Variants in PEAK1 observed in about 807,000 individuals in gnomAD.
PEAK1 encodes pseudopodium enriched atypical kinase 1.
A neutral mutation model predicts 124.7 loss-of-function variants in PEAK1; 54 were observed. The ratio of observed to expected loss-of-function variants is 0.43; its 90% confidence interval spans 0.35 to 0.54. The LOEUF (loss-of-function observed/expected upper bound fraction) is 0.54, where lower values mean the gene tolerates loss of function less well. Among genes scored for constraint, PEAK1 ranks in the 20% least tolerant of loss-of-function variants. The probability of loss-of-function intolerance (pLI) is 0.01; values close to 1 mark genes in which losing one functional copy is unlikely to be tolerated. For synonymous variants in PEAK1, 719 were observed against 760.0 expected (o/e 0.95, Z 0.89); for missense variants, 2,046 against 2,134.5 (o/e 0.96, Z 0.82).
At chr15:77,369,026 T>G (rs868729500) in intron 1 of PEAK1, among the ~76,000 whole-genome samples, 1 of 152,328 alleles carries the variant, frequency 6.6e-6, no homozygotes, top group Non-Finnish European at 1.5e-5. Flanking sequence ...ACTTACATGT[T>G]GTATTCAAAA....
In PEAK1 at chr15:77,214,343, G is replaced by A. The variant is rs141679889; in HGVS notation, c.-114-32303C>T. ...TAAAGAAAAGAGGTTTAGGCTGGGC[G>A]CGGTGGCTCACGTCTGTAATCCCAG... On this transcript the variant is annotated intron_variant, in intron 6 of 9. Transcript: ENST00000682557. Among the ~76,000 whole-genome samples the A allele has an allele frequency of 4.1e-3, 626 of 151,998 alleles. 1 individual carries two copies. Among genetic ancestry groups the A allele is most frequent in the African/African-American group, 0.013 (530 of 41,446 alleles).
chr15:77,341,505 A>G (rs560929013), intron 2 of PEAK1, among the ~76,000 whole-genome samples: 84 of 143,026 alleles, frequency 5.9e-4, no homozygotes, highest in Non-Finnish European at 1.0e-3. Context: ...ATCTCAAAAG[A>G]AAAAAAAAAA....
At chr15:77,363,195 C>T (rs1049662579) in intron 2 of PEAK1, among the ~76,000 whole-genome samples, 5 of 152,164 alleles carry the variant, frequency 3.3e-5, no homozygotes, top group African/African-American at 1.2e-4. Context: ...CAGTCTTTAC[C>T]TGGCAGGCTT....
chr15:77,318,855 C>T, intron 2 of PEAK1, among the ~76,000 whole-genome samples: 1 of 152,044 alleles, frequency 6.6e-6, no homozygotes, highest in Middle Eastern at 3.2e-3. Flanking sequence ...TATAAACCTC[C>T]TAATTCTGAA....
intron 6 of PEAK1, among the ~76,000 whole-genome samples, chr15:77,227,855 G>A (rs922693722): frequency 2.0e-5 from 3 of 151,762 alleles, no homozygotes; most frequent in Non-Finnish European, 4.4e-5. Flanking sequence ...AAATTAGCCT[G>A]GTATGGTGGT....
intron 1 of PEAK1, chr15:77,404,561 G>A: frequency 4.0e-6 from 3 of 751,834 alleles, no homozygotes; most frequent in Non-Finnish European, 4.9e-6. Flanking sequence ...TTTTTTAAAT[G>A]TGGCTACTAG....
chr15:77,382,121 C>T (rs1167187273), intron 1 of PEAK1, among the ~76,000 whole-genome samples: 1 of 152,122 alleles, frequency 6.6e-6, no homozygotes, highest in Non-Finnish European at 1.5e-5. Flanking sequence ...CCTCCCTCCT[C>T]TCTATCTATC....
At position 77,180,761 on chromosome 15, in the gene PEAK1, C is replaced by A. The variant is rs1394615971; in HGVS notation, c.1166G>T (p.Ser389Ile). The change falls in exon 7 of 10, where the codon AGT becomes ATT. Residue 389 changes from serine (S) to isoleucine (I), a missense_variant. Physicochemically the swap from Ser to Ile is moderately radical, Grantham distance 142. Coordinates refer to ENST00000682557, the MANE Select transcript of PEAK1 (RefSeq NM_001385026.1). ...DMKEIEPNYE[S>I]PSSNNQDKDS... Reference sequence around the variant, plus strand: ...TTTATCCTGATTATTACTAGAGGGACTTTCATAATTGGGCTCAATTTCCTT... The same window carrying A: ...TTTATCCTGATTATTACTAGAGGGAATTTCATAATTGGGCTCAATTTCCTT... 6.2e-7 allele frequency: 1 copy of A among 1,614,090 alleles called. No individual in the cohort carries two copies. Among genetic ancestry groups the A allele is most frequent in the Non-Finnish European group, 8.5e-7 (1 of 1,180,002 alleles).
At chr15:77,418,698 A>AAC (rs1213342299) in intron 1 of PEAK1, 1 of 985,448 alleles carries the variant, frequency 1.0e-6, no homozygotes, top group East Asian at 1.1e-4. Context: ...AGCCATCATG[A>AAC]AGTGAGTATC....
chr15:77,351,651 T>C, intron 2 of PEAK1: 2 of 887,440 alleles, frequency 2.3e-6, no homozygotes, highest in South Asian at 5.2e-5. Context: ...AATCCCTTCA[T>C]TCCTTCCTTG....
intron 5 of PEAK1, among the ~76,000 whole-genome samples, chr15:77,271,608 A>T (rs1420613796): frequency 1.3e-5 from 2 of 152,186 alleles, no homozygotes; most frequent in Admixed American, 6.5e-5. Context: ...CCATAAAAAA[A>T]GGGTGAGTTC....
At chr15:77,197,774 C>T (rs1012889168) in intron 6 of PEAK1, among the ~76,000 whole-genome samples, 18 of 152,110 alleles carry the variant, frequency 1.2e-4, no homozygotes, top group African/African-American at 4.3e-4. Context: ...AAGTAGACCA[C>T]GACAATTTTC....
chr15:77,115,362 C>T (rs751185762), intron 9 of PEAK1, 43 bp from the exon 10 acceptor site: 31 of 1,545,126 alleles, frequency 2.0e-5, no homozygotes, highest in Middle Eastern at 3.4e-4. Context: ...CTCTCATAAC[C>T]AGGTTTATGA....
chr15:77,362,674 C>A (rs2067968991), intron 2 of PEAK1, among the ~76,000 whole-genome samples: 1 of 152,100 alleles, frequency 6.6e-6, no homozygotes, highest in Admixed American at 6.5e-5. Context: ...ATCCAAGAGA[C>A]ATGAAACCCT....
intron 2 of PEAK1, among the ~76,000 whole-genome samples, chr15:77,306,919 A>G (rs1414125129): frequency 1.3e-5 from 2 of 152,112 alleles, no homozygotes; most frequent in Non-Finnish European, 1.5e-5. Context: ...CATGTACATA[A>G]ACATCTTTTG....
intron 8 of PEAK1, among the ~76,000 whole-genome samples, chr15:77,149,954 T>G (rs1219407635): frequency 6.6e-6 from 1 of 152,128 alleles, no homozygotes; most frequent in East Asian, 1.9e-4. Flanking sequence ...TTTGCCATGT[T>G]GCCTAGGCTA....
At chr15:77,206,978 G>T (rs796836918) in intron 6 of PEAK1, among the ~76,000 whole-genome samples, 1 of 152,118 alleles carries the variant, frequency 6.6e-6, no homozygotes, top group African/African-American at 2.4e-5. Context: ...ACAACTGTCT[G>T]ATCTTTGACA....
intron 9 of PEAK1, among the ~76,000 whole-genome samples, chr15:77,131,075 T>C (rs891611096): frequency 2.0e-5 from 3 of 152,204 alleles, no homozygotes; most frequent in Non-Finnish European, 4.4e-5. Flanking sequence ...GGGCAAGAAT[T>C]CTTGATGTCA....
chr15:77,138,189 C>G (rs2053491394), intron 8 of PEAK1, among the ~76,000 whole-genome samples: 1 of 152,148 alleles, frequency 6.6e-6, no homozygotes, highest in Non-Finnish European at 1.5e-5. Flanking sequence ...TGAAAATGGA[C>G]TAACACACTA....
Sources: allele counts gnomAD v4.1 joint callset (sites outside exome capture counted in the v4.1 genomes callset), GRCh38; gene constraint gnomAD v4.1.1; transcripts MANE v1.5; gene names NCBI Gene and HGNC (gene_info 2026-07-23, HGNC 2026-07-21).